Variants in TMC1 observed in about 807,000 individuals in gnomAD.
TMC1 encodes the protein transmembrane channel-like protein 1.
TMC1 carries 84 observed loss-of-function variants against 105.8 expected under a neutral mutation model. The ratio of observed to expected loss-of-function variants is 0.79; its 90% CI spans 0.67 to 0.95. The LOEUF (loss-of-function observed/expected upper bound fraction) is 0.95, where lower values mean the gene tolerates loss of function less well. TMC1 is among the 40% of genes least tolerant of loss of function. The probability of loss-of-function intolerance (pLI) is 0.00; values close to 1 mark genes in which losing one functional copy is unlikely to be tolerated. For synonymous variants in TMC1, 315 were observed against 311.5 expected (o/e 1.01, Z -0.12); for missense variants, 817 against 914.1 (o/e 0.89, Z 1.37).
intron 17 of TMC1, among the ~76,000 whole-genome samples, chr9:72,792,594 T>C (rs543945729): frequency 4.6e-5 from 7 of 152,124 alleles, no homozygotes; most frequent in Non-Finnish European, 8.8e-5. Flanking sequence ...GGAAGGATAG[T>C]TGAAAATGGT....
intron 17 of TMC1, among the ~76,000 whole-genome samples, chr9:72,795,426 C>T (rs186146679): frequency 2.2e-3 from 337 of 152,206 alleles, no homozygotes; most frequent in Middle Eastern, 0.017. Context: ...GAGAGAACAC[C>T]ATTAGGCTAA....
At chr9:72,617,933 G>A (rs191523936) in intron 3 of TMC1, among the ~76,000 whole-genome samples, 99 of 150,726 alleles carry the variant, frequency 6.6e-4, no homozygotes, top group Middle Eastern at 6.8e-3. Context: ...GTGTGTGTGT[G>A]TGTGTGTGTG....
chr9:72,662,182 T>C lies in TMC1; in HGVS notation c.16+13518T>C, dbSNP rs72733016. ...TACATCTCCTTTGACACATTTTCTTTTTCTTTTTCTTTTTTTTTTTTTGAG... is the reference window on the plus strand; with the variant it reads ...TACATCTCCTTTGACACATTTTCTTCTTCTTTTTCTTTTTTTTTTTTTGAG... On this transcript the variant is annotated intron_variant, in intron 5 of 23. Coordinates refer to ENST00000297784, the MANE Select transcript of TMC1 (RefSeq NM_138691.3). Among the ~76,000 whole-genome samples the C allele has an allele frequency of 2.4e-3, 333 of 140,228 alleles. 2 individuals carry two copies. The highest frequency in any genetic ancestry group is 4.1e-3 in the Non-Finnish European group (270 of 65,746). The allele number at this position is 140,228 out of a possible 152,430, so 92.0% of individuals were successfully genotyped here.
At chr9:72,703,856 T>A (rs899626846) in intron 8 of TMC1, among the ~76,000 whole-genome samples, 5 of 152,228 alleles carry the variant, frequency 3.3e-5, no homozygotes, top group African/African-American at 1.2e-4. Flanking sequence ...CACCTATGGG[T>A]TCCAGCTGGT....
chr9:72,666,322 C>G (rs1826041929), intron 5 of TMC1, among the ~76,000 whole-genome samples: 1 of 151,812 alleles, frequency 6.6e-6, no homozygotes, highest in South Asian at 2.1e-4. Context: ...ATGAGAGATG[C>G]AATGAGTAAT....
intron 10 of TMC1, among the ~76,000 whole-genome samples, chr9:72,748,232 A>G (rs956167380): frequency 5.3e-5 from 8 of 152,188 alleles, no homozygotes; most frequent in Non-Finnish European, 1.0e-4. Flanking sequence ...TATGTAGCCT[A>G]TAGATCTAAG....
At chr9:72,590,025 C>G (rs1376628784) in intron 2 of TMC1, among the ~76,000 whole-genome samples, 2 of 152,330 alleles carry the variant, frequency 1.3e-5, no homozygotes, top group Middle Eastern at 3.4e-3. Flanking sequence ...CTTGTGATCT[C>G]TGTCCCAGCC....
chr9:72,541,022 G>C (rs559116931), intron 1 of TMC1, among the ~76,000 whole-genome samples: 2 of 152,260 alleles, frequency 1.3e-5, no homozygotes, highest in East Asian at 3.9e-4. Context: ...GATGTGGCCA[G>C]GTCCTGAACT....
chr9:72,770,036 G>A (rs1355966713), intron 12 of TMC1, among the ~76,000 whole-genome samples: 1 of 152,222 alleles, frequency 6.6e-6, no homozygotes, highest in South Asian at 2.1e-4. Context: ...TGTGAAACAA[G>A]AAGATGTCAT....
intron 2 of TMC1, among the ~76,000 whole-genome samples, chr9:72,588,647 C>G (rs2132104118): frequency 6.6e-6 from 1 of 152,256 alleles, no homozygotes; most frequent in South Asian, 2.1e-4. Context: ...TTCTATTCAT[C>G]AAGGAGTTGT....
chr9:72,580,557 AGTGTGTGT>A (rs112783067), intron 2 of TMC1, among the ~76,000 whole-genome samples: 5 of 150,102 alleles, frequency 3.3e-5, no homozygotes, highest in Admixed American at 2.0e-4. Context: ...ACAGTGAAGC[AGTGTGTGT>A]GTGTGTGTGT....
At chr9:72,568,201 C>G (rs1056423633) in intron 1 of TMC1, among the ~76,000 whole-genome samples, 2 of 151,722 alleles carry the variant, frequency 1.3e-5, no homozygotes, top group Non-Finnish European at 2.9e-5. Context: ...CACTTCTCAA[C>G]CCCCCAAACT....
chr9:72,736,105 G>T (rs1354576005), intron 8 of TMC1, among the ~76,000 whole-genome samples: 1 of 152,114 alleles, frequency 6.6e-6, no homozygotes, highest in Non-Finnish European at 1.5e-5. Context: ...TCTGGACTTT[G>T]TTTAAAAACC....
chr9:72,690,084 C>T (rs1020601276), intron 6 of TMC1, among the ~76,000 whole-genome samples: 1 of 151,770 alleles, frequency 6.6e-6, no homozygotes, highest in African/African-American at 2.4e-5. Flanking sequence ...TAGTGATATA[C>T]TTTGATTCCT....
intron 23 of TMC1, among the ~76,000 whole-genome samples, chr9:72,833,045 C>T (rs923598506): frequency 1.3e-5 from 2 of 152,052 alleles, no homozygotes; most frequent in African/African-American, 4.8e-5. Flanking sequence ...TAAGTATTAT[C>T]TCTTAAAATT....
chr9:72,775,014 C>T (rs115987383), intron 13 of TMC1, among the ~76,000 whole-genome samples: 280 of 152,166 alleles, frequency 1.8e-3, no homozygotes, highest in African/African-American at 5.6e-3. Context: ...AAAATGGGAG[C>T]AAATATCTAT....
rs999358276 is a variant in TMC1, at chr9:72,701,508, G to A, written c.362+865G>A. On this transcript the variant is annotated intron_variant, in intron 8 of 23. Coordinates refer to ENST00000297784, the MANE Select transcript of TMC1 (RefSeq NM_138691.3). ...GCATCTCCTAGTTTTGCCAAAGATT[G>A]CATTCTTCCATAAATCATTTTTATA... 3.3e-5 allele frequency among the ~76,000 whole-genome samples: 5 copies of A among 152,128 alleles called. No individual in the cohort carries two copies. In the East Asian group the frequency reaches 9.6e-4, roughly 29 times the overall value.
At chr9:72,813,206 A>G (rs569453808) in intron 18 of TMC1, among the ~76,000 whole-genome samples, 4 of 152,182 alleles carry the variant, frequency 2.6e-5, no homozygotes, top group African/African-American at 9.6e-5. Context: ...TATTTTAGAG[A>G]CAAACAAAAT....
At chr9:72,569,353 A>G (rs1049636595) in intron 1 of TMC1, among the ~76,000 whole-genome samples, 1 of 152,162 alleles carries the variant, frequency 6.6e-6, no homozygotes, top group Admixed American at 6.5e-5. Flanking sequence ...CCACAAATGT[A>G]GAACCCGGCT....
Sources: gnomAD v4.1 joint callset for allele counts (sites outside exome capture counted in the v4.1 genomes callset) on GRCh38, gnomAD v4.1.1 for gene constraint, MANE v1.5 for transcripts, NCBI Gene and HGNC (gene_info 2026-07-23, HGNC 2026-07-21) for gene names.